The following EIF4G3 variants were observed in gnomAD, a reference collection of about 807,000 sequenced individuals.
EIF4G3 encodes eukaryotic translation initiation factor 4 gamma 3.
In EIF4G3, 34 loss-of-function variants were observed where a neutral mutation model predicts 186.4. The ratio of observed to expected loss-of-function variants is 0.18; its 90% CI spans 0.14 to 0.24. The LOEUF (loss-of-function observed/expected upper bound fraction) is 0.24. Among genes scored for constraint, EIF4G3 ranks in the 10% least tolerant of loss-of-function variants. The pLI is 1.00. For synonymous variants in EIF4G3, 673 were observed against 679.5 expected, an observed-to-expected ratio of 0.99 and a Z score of 0.15; for missense variants, 1,536 against 1,948.5, an observed-to-expected ratio of 0.79 and a Z score of 3.99.
At chr1:21,064,222 T>C (rs1020905976) in intron 3 of EIF4G3, among the ~76,000 whole-genome samples, 2 of 152,070 alleles carry the variant, frequency 1.3e-5, no homozygotes, top group Non-Finnish European at 2.9e-5. Context: ...GCGAGGTTCA[T>C]GCTATCCTTT....
At chr1:21,034,808 C>A (rs527287406) in intron 4 of EIF4G3, among the ~76,000 whole-genome samples, 4 of 152,300 alleles carry the variant, frequency 2.6e-5, no homozygotes, top group African/African-American at 9.6e-5. Context: ...CACCGGAGAT[C>A]GTGTCCCCAG....
In EIF4G3 at chr1:21,148,941, A is replaced by G. The variant is rs12081684; in HGVS notation, c.-272+27234T>C. On this transcript the variant is annotated intron_variant, in intron 2 of 36. Coordinates refer to ENST00000602326, the MANE Select transcript of EIF4G3 (RefSeq NM_001391906.1). The stretch of plus-strand genomic sequence containing the variant: ...CCTTCAGAATGTTTTTTGAAATGTG[A>G]CTATACTGGCCAGGTAGGGTGGCTC... Among the ~76,000 whole-genome samples the G allele has an allele frequency of 2.7e-3, 410 of 152,058 alleles. 1 individual carries two copies. Among genetic ancestry groups the G allele is most frequent in the African/African-American group, 9.6e-3 (399 of 41,504 alleles).
At chr1:20,916,490 T>C (rs1558223060) in intron 14 of EIF4G3, among the ~76,000 whole-genome samples, 2 of 151,556 alleles carry the variant, frequency 1.3e-5, no homozygotes, top group Non-Finnish European at 2.9e-5. Flanking sequence ...AAGCAAAATA[T>C]ACCATGTTCA....
chr1:21,011,398 C>T (rs1396939593), intron 4 of EIF4G3, among the ~76,000 whole-genome samples: 1 of 152,110 alleles, frequency 6.6e-6, no homozygotes, highest in Admixed American at 6.5e-5. Context: ...ACAGAGCTCC[C>T]ATATACTCTT....
chr1:21,039,017 C>T (rs1040793692), intron 4 of EIF4G3, among the ~76,000 whole-genome samples: 2 of 152,082 alleles, frequency 1.3e-5, no homozygotes, highest in African/African-American at 4.8e-5. Context: ...GGAGGACAAA[C>T]CTAAACGTCT....
intron 26 of EIF4G3, among the ~76,000 whole-genome samples, chr1:20,854,581 T>TGAGTA (rs1478433645): frequency 1.3e-5 from 2 of 149,936 alleles, no homozygotes; most frequent in Non-Finnish European, 1.5e-5. Context: ...GGCGTGCACC[T>TGAGTA]GTAGTCCCAG....
chr1:20,823,467 A>C (rs1286897885), intron 33 of EIF4G3, among the ~76,000 whole-genome samples: 1 of 151,968 alleles, frequency 6.6e-6, no homozygotes, highest in African/African-American at 2.4e-5. Context: ...CTGCAGCCTT[A>C]AACTCCCACG....
chr1:20,856,722 C>T (rs868178361), intron 25 of EIF4G3, among the ~76,000 whole-genome samples: 16 of 152,094 alleles, frequency 1.1e-4, no homozygotes, highest in African/African-American at 3.9e-4. Context: ...CAGGTGATTG[C>T]TTTTTTCCCC....
At chr1:21,136,505 A>C (rs1485331454) in intron 2 of EIF4G3, among the ~76,000 whole-genome samples, 1 of 152,060 alleles carries the variant, frequency 6.6e-6, no homozygotes, top group Non-Finnish European at 1.5e-5. Context: ...TGGCAGAGCG[A>C]GACTCCGTAT....
At chr1:21,165,067 A>C (rs1461241131) in intron 2 of EIF4G3, among the ~76,000 whole-genome samples, 1 of 152,186 alleles carries the variant, frequency 6.6e-6, no homozygotes, top group East Asian at 1.9e-4. Context: ...GGCCAAATAC[A>C]CACAAAAACA....
At chr1:21,063,594 CTTTTTT>C (rs568440999) in intron 3 of EIF4G3, among the ~76,000 whole-genome samples, 4 of 146,658 alleles carry the variant, frequency 2.7e-5, no homozygotes, top group Non-Finnish European at 4.5e-5. Flanking sequence ...GCACTAATAA[CTTTTTT>C]TTTTAAGTGC....
chr1:21,150,805 C>T (rs988531988), intron 2 of EIF4G3, among the ~76,000 whole-genome samples: 1 of 151,998 alleles, frequency 6.6e-6, no homozygotes, highest in African/African-American at 2.4e-5. Flanking sequence ...GGTGAAACCC[C>T]GTTTCTACTA....
intron 3 of EIF4G3, among the ~76,000 whole-genome samples, chr1:21,065,292 T>C (rs562189162): frequency 6.6e-6 from 1 of 151,640 alleles, no homozygotes; most frequent in East Asian, 1.9e-4. Context: ...ATTATCACTT[T>C]CCAAACACAA....
chr1:21,078,425 A>C (rs1409756314), intron 3 of EIF4G3, among the ~76,000 whole-genome samples: 1 of 152,226 alleles, frequency 6.6e-6, no homozygotes, highest in Non-Finnish European at 1.5e-5. Flanking sequence ...TACAGAGTAG[A>C]ATGATGGTTA....
At chr1:20,848,012 G>A (rs989789155) in intron 29 of EIF4G3, 12 of 352,522 alleles carry the variant, frequency 3.4e-5, no homozygotes, top group South Asian at 6.5e-5. Flanking sequence ...TGTCACCCAG[G>A]ATGGAATGCA....
intron 2 of EIF4G3, among the ~76,000 whole-genome samples, chr1:21,155,728 T>G (rs1195971995): frequency 6.6e-6 from 1 of 152,148 alleles, no homozygotes; most frequent in Non-Finnish European, 1.5e-5. Flanking sequence ...TTGAGAAGTT[T>G]TTTTATTTCT....
intron 3 of EIF4G3, among the ~76,000 whole-genome samples, chr1:21,069,578 A>G (rs575413228): frequency 8.5e-5 from 13 of 152,290 alleles, no homozygotes; most frequent in African/African-American, 2.4e-4. Context: ...AACATCTCCA[A>G]TGTTTAGTCC....
In EIF4G3 at chr1:21,176,888, C is replaced by T; in HGVS notation, c.-622G>A. ...GCTGTGGCCGCCTCCAGCAGTCCGG[C>T]AGGACGGCTGCTCGGAAAACTTCGG... On this transcript the variant is annotated 5_prime_UTR_variant, in exon 1 of 37. Transcript: ENST00000602326. 1.4e-6 allele frequency: 1 copy of T among 692,262 alleles called. No homozygotes were observed. The highest frequency in any genetic ancestry group is 2.6e-6 in the Non-Finnish European group (1 of 379,292). The allele number at this position is 692,262 out of a possible 1,614,324, so 42.9% of individuals were successfully genotyped here. A position where few individuals can be genotyped will look rare whatever the true frequency, so the allele number is the denominator to read the frequency against.
At chr1:21,068,978 CAT>C (rs879793261) in intron 3 of EIF4G3, among the ~76,000 whole-genome samples, 8 of 152,166 alleles carry the variant, frequency 5.3e-5, no homozygotes, top group Non-Finnish European at 1.2e-4. Context: ...GGTTTTAGAA[CAT>C]ATCAGATTTT....
Sources: gnomAD v4.1 joint callset for allele counts (sites outside exome capture counted in the v4.1 genomes callset) on GRCh38, gnomAD v4.1.1 for gene constraint, MANE v1.5 for transcripts, NCBI Gene and HGNC (gene_info 2026-07-23, HGNC 2026-07-21) for gene names.